TAS2R1: variants seen among roughly 807,000 people sequenced by gnomAD.
TAS2R1 encodes the protein taste receptor type 2 member 1.
For missense variants in TAS2R1, 370 were observed against 353.4 expected (o/e 1.05, Z -0.38); for synonymous variants, 141 against 134.2 (o/e 1.05, Z -0.35).
rs767791033 is a variant in TAS2R1 at position 9,703,521 on chromosome 5, G to A, written c.-242+8651C>T. Among the ~76,000 whole-genome samples, 6 of 152,112 alleles carry A rather than the reference G, an allele frequency of 3.9e-5. No individual in the cohort carries two copies. The South Asian group carries it at 1.0e-3, about 26-fold the overall frequency. ...GCCACATGGAGAGAAGAGGGGGACTGTACCTGCACAGGGGCTCCAACAACA... is the reference window on the plus strand; with the variant it reads ...GCCACATGGAGAGAAGAGGGGGACTATACCTGCACAGGGGCTCCAACAACA... On this transcript the variant is annotated intron_variant, in intron 1 of 2. Transcript: ENST00000506620.
intron 1 of TAS2R1, among the ~76,000 whole-genome samples, chr5:9,693,854 T>C (rs942244064): frequency 7.9e-5 from 12 of 152,206 alleles, no homozygotes; most frequent in Non-Finnish European, 1.8e-4. Flanking sequence ...TGTTGGTTGT[T>C]ACATAGCAGT....
At chr5:9,707,380 C>A (rs1741638288) in intron 1 of TAS2R1, among the ~76,000 whole-genome samples, 1 of 152,166 alleles carries the variant, frequency 6.6e-6, no homozygotes, top group Admixed American at 6.5e-5. Context: ...CTCTCAATGG[C>A]CCATCAGACA....
the TAS2R1 span, among the ~76,000 whole-genome samples, chr5:9,727,603 A>G: frequency 1.3e-5 from 2 of 152,212 alleles, no homozygotes; most frequent in African/African-American, 4.8e-5. Flanking sequence ...AAATAATAGC[A>G]GCTAAGATAT....
chr5:9,834,414 G>T, the TAS2R1 span, among the ~76,000 whole-genome samples: 1 of 152,196 alleles, frequency 6.6e-6, no homozygotes, highest in East Asian at 1.9e-4. Context: ...TCACAATTGT[G>T]ATTTTAATCT....
intron 1 of TAS2R1, among the ~76,000 whole-genome samples, chr5:9,697,375 T>A (rs1358430244): frequency 1.3e-5 from 2 of 152,112 alleles, no homozygotes; most frequent in African/African-American, 2.4e-5. Flanking sequence ...TTAGTTCATA[T>A]AATAGATAAA....
the TAS2R1 span, among the ~76,000 whole-genome samples, chr5:9,803,004 C>T: frequency 4.6e-5 from 7 of 152,226 alleles, no homozygotes; most frequent in Middle Eastern, 3.4e-3. Context: ...AAACCTGATA[C>T]AGGATATGAA....
At chr5:9,793,842 T>A in the TAS2R1 span, among the ~76,000 whole-genome samples, 1 of 152,176 alleles carries the variant, frequency 6.6e-6, no homozygotes, top group African/African-American at 2.4e-5. Context: ...CCCTGCAAGC[T>A]GATCATTCTG....
chr5:9,742,486 A>G, the TAS2R1 span, among the ~76,000 whole-genome samples: 1 of 152,202 alleles, frequency 6.6e-6, no homozygotes, highest in Admixed American at 6.5e-5. Flanking sequence ...ACATGGAAAC[A>G]GAAGAAACAC....
chr5:9,677,070 C>T (rs1270816504), intron 1 of TAS2R1, among the ~76,000 whole-genome samples: 2 of 152,118 alleles, frequency 1.3e-5, no homozygotes, highest in Non-Finnish European at 2.9e-5. Flanking sequence ...GAATACTATG[C>T]AGCCATAAAA....
chr5:9,770,550 G>A, the TAS2R1 span, among the ~76,000 whole-genome samples: 1 of 152,046 alleles, frequency 6.6e-6, no homozygotes, highest in Non-Finnish European at 1.5e-5. Context: ...CTGTAAAAAT[G>A]GAATATCTTT....
the TAS2R1 span, among the ~76,000 whole-genome samples, chr5:9,801,950 C>T: frequency 1.3e-5 from 2 of 152,246 alleles, no homozygotes; most frequent in Admixed American, 6.5e-5. Flanking sequence ...TCTACCCACC[C>T]GGGTAGCTGA....
the TAS2R1 span, among the ~76,000 whole-genome samples, chr5:9,786,729 A>G: frequency 1.1e-4 from 16 of 152,196 alleles, no homozygotes; most frequent in Non-Finnish European, 2.1e-4. Flanking sequence ...TAAAATTGTT[A>G]AAAATTAGAA....
chr5:9,763,823 G>A, the TAS2R1 span, among the ~76,000 whole-genome samples: 4 of 152,170 alleles, frequency 2.6e-5, no homozygotes, highest in African/African-American at 7.2e-5. Context: ...GGAAATAAAC[G>A]TAAAACAGGC....
chr5:9,662,953 A>C (rs1326567843), intron 1 of TAS2R1, among the ~76,000 whole-genome samples: 1 of 151,712 alleles, frequency 6.6e-6, no homozygotes, highest in Non-Finnish European at 1.5e-5. Context: ...AAGTCAGTAC[A>C]TTATCATTTC....
intron 1 of TAS2R1, among the ~76,000 whole-genome samples, chr5:9,683,066 T>C (rs776101239): frequency 6.6e-6 from 1 of 152,220 alleles, no homozygotes; most frequent in Admixed American, 6.5e-5. Flanking sequence ...CTCAGAGTAT[T>C]GTTATTTAAA....
At chr5:9,659,242 T>G (rs528778841) in intron 2 of TAS2R1, among the ~76,000 whole-genome samples, 105 of 152,010 alleles carry the variant, frequency 6.9e-4, no homozygotes, top group African/African-American at 2.4e-3. Context: ...CATGAACTAC[T>G]CCCCCATGGG....
At chr5:9,853,544 G>A in the TAS2R1 span, among the ~76,000 whole-genome samples, 30 of 152,286 alleles carry the variant, frequency 2.0e-4, no homozygotes, top group Non-Finnish European at 4.0e-4. Flanking sequence ...GTGCTGGTGG[G>A]CATGTCTTAT....
chr5:9,867,537 T>C, the TAS2R1 span, among the ~76,000 whole-genome samples: 1 of 152,152 alleles, frequency 6.6e-6, no homozygotes, highest in Non-Finnish European at 1.5e-5. Context: ...GCCCCCATGA[T>C]TCAATTACTT....
the TAS2R1 span, among the ~76,000 whole-genome samples, chr5:9,850,344 A>G: frequency 6.6e-6 from 1 of 152,370 alleles, no homozygotes; most frequent in African/African-American, 2.4e-5. Flanking sequence ...CACAGAACAC[A>G]TGACTTTCAA....
Sources: allele counts gnomAD v4.1 joint callset (sites outside exome capture counted in the v4.1 genomes callset), GRCh38; gene constraint gnomAD v4.1.1; transcripts MANE v1.5; gene names NCBI Gene and HGNC (gene_info 2026-07-23, HGNC 2026-07-21).